Variants in ERBB4 observed in about 807,000 individuals in gnomAD.
ERBB4 encodes the protein receptor tyrosine-protein kinase erbB-4.
In ERBB4, 42 loss-of-function variants were observed where a neutral mutation model predicts 158.0. The observed-to-expected ratio is 0.27, with a 90% confidence interval of 0.21 to 0.34. The LOEUF (loss-of-function observed/expected upper bound fraction) is 0.34. ERBB4 is among the 10% of genes least tolerant of loss of function. The pLI is 1.00. For missense variants in ERBB4, 1,333 were observed against 1,624.1 expected (o/e 0.82, Z 3.08); for synonymous variants, 583 against 558.7 (o/e 1.04, Z -0.61).
At chr2:211,512,339 T>A (rs2125616469) in intron 20 of ERBB4, among the ~76,000 whole-genome samples, 1 of 152,190 alleles carries the variant, frequency 6.6e-6, no homozygotes, top group African/African-American at 2.4e-5. Flanking sequence ...TGGGAGACCT[T>A]TTGTAATTAA....
At chr2:211,816,440 C>G (rs2105929341) in intron 3 of ERBB4, among the ~76,000 whole-genome samples, 1 of 147,794 alleles carries the variant, frequency 6.8e-6, no homozygotes, top group South Asian at 2.2e-4. Context: ...ACTTGGGAGG[C>G]TGAGGCACGA....
At chr2:212,515,622 TAAAGA>T (rs1160274913) in intron 1 of ERBB4, among the ~76,000 whole-genome samples, 1 of 151,672 alleles carries the variant, frequency 6.6e-6, no homozygotes, top group Non-Finnish European at 1.5e-5. Flanking sequence ...AGATAAAAAA[TAAAGA>T]AAAGGTTCAC....
chr2:212,291,925 G>A (rs1178902531), intron 1 of ERBB4, among the ~76,000 whole-genome samples: 3 of 151,924 alleles, frequency 2.0e-5, no homozygotes, highest in Admixed American at 2.0e-4. Flanking sequence ...AAAAGGAACA[G>A]TTTGTAGTTT....
intron 7 of ERBB4, among the ~76,000 whole-genome samples, chr2:211,716,602 G>A (rs1575039834): frequency 6.6e-6 from 1 of 152,018 alleles, no homozygotes. Flanking sequence ...CGTGAACCCG[G>A]GAGGCGGAGC....
At position 211,561,982 on chromosome 2, in the gene ERBB4, C is replaced by G. The variant is rs2067406669; in HGVS notation, c.2408G>C (p.Cys803Ser). 6.2e-7 allele frequency: 1 copy of G among 1,614,140 alleles called. No homozygotes were observed. Among genetic ancestry groups the G allele is most frequent in the East Asian group, 2.2e-5 (1 of 44,872 alleles). ...GTGCTCGTGGACATACTCCAACAGG[C>G]AGCCATGGGGCATAAGTTGAGTAAC... Reference protein sequence around the residue: ...QLVTQLMPHGCLLEYVHEHKD... With the variant: ...QLVTQLMPHGSLLEYVHEHKD... The change falls in exon 20 of 28, where the codon TGC becomes TCC. Residue 803 changes from cysteine (C) to serine (S), a missense_variant. Coordinates refer to ENST00000342788, the MANE Select transcript of ERBB4 (RefSeq NM_005235.3).
chr2:211,947,683 A>G, intron 2 of ERBB4, 67 bp from the exon 3 acceptor site: 1 of 1,327,344 alleles, frequency 7.5e-7, no homozygotes, highest in Non-Finnish European at 1.1e-6. Flanking sequence ...GTAGCAATTT[A>G]GATTAAAATG....
intron 1 of ERBB4, among the ~76,000 whole-genome samples, chr2:212,341,305 A>G (rs543749246): frequency 6.6e-6 from 1 of 152,192 alleles, no homozygotes; most frequent in East Asian, 1.9e-4. Context: ...GACTTTAAAC[A>G]TGATTTTCAT....
rs1463311956 is a variant in ERBB4 at position 212,320,827 on chromosome 2, A to C, written c.83-195924T>G. On this transcript the variant is annotated intron_variant, in intron 1 of 27. Transcript: ENST00000342788. ...CGTGTTGTTGTGAGAATCAAATGAA[A>C]CAATTACAGTAAAGTGCCTTGAAAA... is the stretch of plus-strand genomic sequence containing the variant. Among the ~76,000 whole-genome samples, 2 of 150,424 alleles carry C rather than the reference A, an allele frequency of 1.3e-5. 1 individual carries two copies.
intron 5 of ERBB4, among the ~76,000 whole-genome samples, chr2:211,735,643 AC>A (rs1354740838): frequency 6.6e-6 from 1 of 151,894 alleles, no homozygotes; most frequent in Non-Finnish European, 1.5e-5. Context: ...TAAATCTCAG[AC>A]CCAGAGAGGG....
At chr2:212,174,721 T>C (rs554838134) in intron 1 of ERBB4, among the ~76,000 whole-genome samples, 2 of 152,180 alleles carry the variant, frequency 1.3e-5, no homozygotes, top group East Asian at 3.9e-4. Context: ...GTAATAATTT[T>C]GATGTCTATC....
At chr2:211,451,464 C>A (rs182436306) in intron 20 of ERBB4, among the ~76,000 whole-genome samples, 3 of 152,102 alleles carry the variant, frequency 2.0e-5, no homozygotes, top group Non-Finnish European at 4.4e-5. Flanking sequence ...TTAAGGGAGG[C>A]AGGATGTAGA....
intron 2 of ERBB4, among the ~76,000 whole-genome samples, chr2:212,035,463 C>T (rs887301517): frequency 3.3e-5 from 5 of 152,162 alleles, no homozygotes; most frequent in Non-Finnish European, 7.4e-5. Flanking sequence ...CTTCAAAACC[C>T]ACAGCTCAGG....
At chr2:211,973,952 CT>C (rs2081532801) in intron 2 of ERBB4, among the ~76,000 whole-genome samples, 1 of 152,102 alleles carries the variant, frequency 6.6e-6, no homozygotes, top group South Asian at 2.1e-4. Context: ...AAGCTGGAAG[CT>C]ATCATCCTCA....
intron 2 of ERBB4, among the ~76,000 whole-genome samples, chr2:211,950,237 C>A (rs913304509): frequency 6.6e-6 from 1 of 152,126 alleles, no homozygotes; most frequent in South Asian, 2.1e-4. Context: ...AATGTGCATA[C>A]ATTTAGGAAG....
intron 2 of ERBB4, among the ~76,000 whole-genome samples, chr2:212,004,969 C>T (rs941110523): frequency 2.6e-5 from 4 of 152,092 alleles, no homozygotes; most frequent in African/African-American, 9.7e-5. Context: ...TAGGTCCTTA[C>T]TTAATCCTTC....
chr2:211,911,911 A>G (rs2079549726), intron 3 of ERBB4, among the ~76,000 whole-genome samples: 1 of 152,038 alleles, frequency 6.6e-6, no homozygotes, highest in Non-Finnish European at 1.5e-5. Flanking sequence ...GACAGTGACA[A>G]CCAAAATGAG....
rs768416713 is a variant in ERBB4, at chr2:212,003,224, G to A, written c.235-55608C>T. Among the ~76,000 whole-genome samples the A allele has an allele frequency of 6.6e-3, 333 of 50,350 alleles. 5 individuals are homozygous for A. Among genetic ancestry groups the A allele is most frequent in the Non-Finnish European group, 8.4e-3 (159 of 18,990 alleles). The allele number at this position is 50,350 out of a possible 152,430, so 33.0% of individuals were successfully genotyped here. On this transcript the variant is annotated intron_variant, in intron 2 of 27. Transcript: ENST00000342788. ...AAGAAAGACAGAAAGAAGGAAGGAAGGAAGGAAGGAAGGAAGGAAGGAAGG... is the reference window on the plus strand; with the variant it reads ...AAGAAAGACAGAAAGAAGGAAGGAAAGAAGGAAGGAAGGAAGGAAGGAAGG...
intron 7 of ERBB4, among the ~76,000 whole-genome samples, chr2:211,718,267 G>C (rs1160836442): frequency 6.6e-6 from 1 of 152,064 alleles, no homozygotes; most frequent in Non-Finnish European, 1.5e-5. Flanking sequence ...GAGAACAAAA[G>C]GTGTTATTTA....
chr2:211,694,020 T>C (rs573225682), intron 12 of ERBB4, among the ~76,000 whole-genome samples: 43 of 152,280 alleles, frequency 2.8e-4, no homozygotes, highest in African/African-American at 1.0e-3. Context: ...CATCTGTGTG[T>C]CTCTTCTCTT....
Sources: allele counts gnomAD v4.1 joint callset (sites outside exome capture counted in the v4.1 genomes callset), GRCh38; gene constraint gnomAD v4.1.1; transcripts MANE v1.5; gene names NCBI Gene and HGNC (gene_info 2026-07-23, HGNC 2026-07-21).